Variants in KCNH8 observed in about 807,000 individuals in gnomAD.
The protein encoded by KCNH8 is potassium voltage-gated channel subfamily H member 8.
Under a neutral mutation model 103.6 loss-of-function variants are expected in KCNH8, and 70 were observed. The observed-to-expected ratio is 0.68, with a 90% CI of 0.56 to 0.82. The LOEUF is 0.82. Among genes scored for constraint, KCNH8 ranks in the 40% least tolerant of loss-of-function variants. The pLI, the probability that KCNH8 is intolerant of heterozygous loss-of-function variation, is 0.00. For synonymous variants in KCNH8, 498 were observed against 489.4 expected, an observed-to-expected ratio of 1.02 and a Z score of -0.23; for missense variants, 1,217 against 1,329.9, an observed-to-expected ratio of 0.92 and a Z score of 1.32.
chr3:19,295,364 A>G (rs1575503902), intron 3 of KCNH8, among the ~76,000 whole-genome samples: 1 of 151,276 alleles, frequency 6.6e-6, no homozygotes, highest in Admixed American at 6.6e-5. Context: ...AGCCTGGGTG[A>G]CATAGAGAGA....
At chr3:19,508,036 G>T (rs2068725995) in intron 11 of KCNH8, among the ~76,000 whole-genome samples, 1 of 152,166 alleles carries the variant, frequency 6.6e-6, no homozygotes, top group South Asian at 2.1e-4. Context: ...TTTATGTGGT[G>T]AATCACATTT....
intron 11 of KCNH8, among the ~76,000 whole-genome samples, chr3:19,495,560 C>T (rs1440081486): frequency 6.6e-6 from 1 of 152,044 alleles, no homozygotes; most frequent in Non-Finnish European, 1.5e-5. Context: ...TTCCATTGGT[C>T]TATATGTCTG....
At chr3:19,410,692 A>G (rs1187765332) in intron 7 of KCNH8, among the ~76,000 whole-genome samples, 3 of 152,038 alleles carry the variant, frequency 2.0e-5, no homozygotes, top group Non-Finnish European at 4.4e-5. Flanking sequence ...TACAATAAGA[A>G]ACAGCAAACA....
chr3:19,248,806 A>G (rs545293054), intron 1 of KCNH8, among the ~76,000 whole-genome samples: 1 of 152,068 alleles, frequency 6.6e-6, no homozygotes, highest in Non-Finnish European at 1.5e-5. Flanking sequence ...TCCTACCCGC[A>G]TTCTCTTTGG....
chr3:19,383,177 CA>C (rs1315653279), intron 5 of KCNH8, among the ~76,000 whole-genome samples: 1 of 152,038 alleles, frequency 6.6e-6, no homozygotes, highest in African/African-American at 2.4e-5. Flanking sequence ...AAAGCTACCA[CA>C]AATGCTAAGA....
chr3:19,261,833 G>T (rs1274464563), intron 2 of KCNH8, among the ~76,000 whole-genome samples: 1 of 151,270 alleles, frequency 6.6e-6, no homozygotes, highest in Non-Finnish European at 1.5e-5. Flanking sequence ...TGGAAGTCCA[G>T]TTTTTTTTCC....
At chr3:19,304,856 A>G (rs999509900) in intron 3 of KCNH8, among the ~76,000 whole-genome samples, 4 of 152,080 alleles carry the variant, frequency 2.6e-5, no homozygotes, top group African/African-American at 7.2e-5. Context: ...ATATCTATCA[A>G]TTTAAAGGCA....
intron 15 of KCNH8, among the ~76,000 whole-genome samples, chr3:19,520,849 TAAAG>T (rs769815503): frequency 2.4e-4 from 37 of 151,958 alleles, no homozygotes; most frequent in African/African-American, 8.2e-4. Flanking sequence ...ATTTAAGACA[TAAAG>T]AAAGTGTTCA....
intron 8 of KCNH8, among the ~76,000 whole-genome samples, chr3:19,444,388 A>G (rs1458874474): frequency 6.6e-6 from 1 of 152,016 alleles, no homozygotes; most frequent in Admixed American, 6.6e-5. Flanking sequence ...TAGGAGGGAA[A>G]ACAATGAAAC....
At chr3:19,196,354 C>T (rs1210559883) in intron 1 of KCNH8, among the ~76,000 whole-genome samples, 3 of 151,706 alleles carry the variant, frequency 2.0e-5, no homozygotes, top group Admixed American at 6.6e-5. Flanking sequence ...CCCATGTGTT[C>T]GGAAGTTTCA....
intron 3 of KCNH8, among the ~76,000 whole-genome samples, chr3:19,286,638 T>A (rs1484492191): frequency 6.6e-6 from 1 of 152,254 alleles, no homozygotes; most frequent in Non-Finnish European, 1.5e-5. Flanking sequence ...TATAAAATGA[T>A]GTAATATTTT....
chr3:19,300,806 G>A (rs1493926), intron 3 of KCNH8, among the ~76,000 whole-genome samples: 99,216 of 151,148 alleles, frequency 0.66, 33,723 homozygotes, highest in African/African-American at 0.82. Flanking sequence ...GAGAGCTAGA[G>A]ATTTTATATT....
rs575265745 is a variant in KCNH8 at position 19,445,304 on chromosome 3, G to A, written c.1376-4802G>A. Among the ~76,000 whole-genome samples, 3 of 151,896 alleles carry A rather than the reference G, an allele frequency of 2.0e-5. No homozygotes were observed. The South Asian group carries it at 6.2e-4, about 32-fold the overall frequency. ...AATTGTAATATAATTGGTAACTGTG[G>A]TTACCTTTGGTGAAGGGATTGGTTA... On this transcript the variant is annotated intron_variant, in intron 8 of 15. Coordinates refer to ENST00000328405, the MANE Select transcript of KCNH8 (RefSeq NM_144633.3).
chr3:19,307,683 G>A (rs567366370), intron 3 of KCNH8, among the ~76,000 whole-genome samples: 3 of 151,898 alleles, frequency 2.0e-5, no homozygotes, highest in Non-Finnish European at 4.4e-5. Context: ...TGAAGAAAAC[G>A]TGGTACATAT....
chr3:19,405,190 A>T (rs1283792193), intron 7 of KCNH8, among the ~76,000 whole-genome samples: 2 of 151,876 alleles, frequency 1.3e-5, no homozygotes, highest in African/African-American at 4.8e-5. Flanking sequence ...TAATTAAGTG[A>T]AATTGTGTAA....
chr3:19,288,967 T>C (rs1026161470), intron 3 of KCNH8, among the ~76,000 whole-genome samples: 3 of 152,170 alleles, frequency 2.0e-5, no homozygotes, highest in African/African-American at 7.2e-5. Context: ...GATTTGCATT[T>C]CTCTGATGGC....
chr3:19,312,354 A>C (rs558554159), intron 3 of KCNH8, among the ~76,000 whole-genome samples: 1 of 152,046 alleles, frequency 6.6e-6, no homozygotes, highest in Non-Finnish European at 1.5e-5. Flanking sequence ...AAAACTTTCC[A>C]TGCTGTGAAA....
chr3:19,251,702 T>G (rs529753492), intron 1 of KCNH8, among the ~76,000 whole-genome samples: 2 of 152,118 alleles, frequency 1.3e-5, no homozygotes, highest in African/African-American at 4.8e-5. Flanking sequence ...AAACTTACTG[T>G]TTTTTGAATA....
chr3:19,167,019 T>C (rs1226066962), intron 1 of KCNH8, among the ~76,000 whole-genome samples: 1 of 152,184 alleles, frequency 6.6e-6, no homozygotes, highest in Non-Finnish European at 1.5e-5. Flanking sequence ...TTATTAGGTA[T>C]TGTGGTATGT....
Sources: gnomAD v4.1 joint callset for allele counts (sites outside exome capture counted in the v4.1 genomes callset) on GRCh38, gnomAD v4.1.1 for gene constraint, MANE v1.5 for transcripts, NCBI Gene and HGNC (gene_info 2026-07-23, HGNC 2026-07-21) for gene names.